LLGL1: variants seen among roughly 807,000 people sequenced by gnomAD.
LLGL1 encodes the protein lethal(2) giant larvae protein homolog 1.
LLGL1 carries 58 observed loss-of-function variants against 110.6 expected under a neutral mutation model. The observed-to-expected ratio is 0.52, with a 90% confidence interval of 0.42 to 0.65. The LOEUF (loss-of-function observed/expected upper bound fraction) is 0.65. Ranked by LOEUF, LLGL1 falls within the 30% of genes least tolerant of loss-of-function variation. The probability of loss-of-function intolerance (pLI) is 0.00; values close to 1 mark genes in which losing one functional copy is unlikely to be tolerated. For synonymous variants in LLGL1, 674 were observed against 607.2 expected (o/e 1.11, Z -1.62); for missense variants, 1,229 against 1,462.1 (o/e 0.84, Z 2.60).
chr17:18,235,805 T>C (rs1044122043), intron 11 of LLGL1: 16 of 500,576 alleles, frequency 3.2e-5, no homozygotes, highest in Non-Finnish European at 5.0e-5. Context: ...GACTGGAAAA[T>C]CTGGGCTGGC....
chr17:18,241,017 TC>T, intron 17 of LLGL1, 144 bp downstream of exon 17: 1 of 900,686 alleles, frequency 1.1e-6, no homozygotes, highest in Non-Finnish European at 1.6e-6. Flanking sequence ...CAGAAAACAC[TC>T]CCAGCCAGCA....
At chr17:18,233,545 C>G (rs2142591957) in intron 4 of LLGL1, among the ~76,000 whole-genome samples, 1 of 152,234 alleles carries the variant, frequency 6.6e-6, no homozygotes, top group South Asian at 2.1e-4. Flanking sequence ...GAGCTGGGAG[C>G]CCAGTCTGCA....
In LLGL1 at chr17:18,242,278, G is replaced by C. The variant is rs1203519133; in HGVS notation, c.2995G>C (p.Asp999His). 6 of 1,612,696 alleles carry C rather than the reference G, an allele frequency of 3.7e-6. No homozygotes were observed. Among genetic ancestry groups the C allele is most frequent in the East Asian group, 4.5e-5 (2 of 44,872 alleles). ...SPDPAHSMGP[D>H]TPEPPEAALS... The stretch of plus-strand genomic sequence containing the variant: ...TGATCCAGCCCACAGCATGGGACCT[G>C]GTGAGGGGGGCATGAAAGGGGTCCA... The change falls in exon 20 of 23, where the codon GAC (aspartate) becomes CAC (histidine). Residue 999 changes from aspartate to histidine, a missense_variant and splice_region_variant. Physicochemically the swap from Asp to His is moderately conservative, Grantham distance 81 (BLOSUM62 -1). Transcript: ENST00000316843.
Position 18,243,955 on chromosome 17 carries a change from G to A in LLGL1, c.*49G>A, listed in dbSNP as rs1170209920. 2.6e-5 allele frequency: 4 copies of A among 152,832 alleles called. No homozygotes were observed. Among genetic ancestry groups the A allele is most frequent in the South Asian group, 2.1e-4 (1 of 4,846 alleles). The allele number at this position is 152,832 out of a possible 1,614,324, so 9.5% of individuals were successfully genotyped here. ...TCCACCTGCCCTGCTCGGAGCTGGA[G>A]TGCTGGATCCCTGGCACCTGCCTGG... On this transcript the variant is annotated 3_prime_UTR_variant, in exon 23 of 23. Transcript: ENST00000316843.
At chr17:18,228,633 G>A (rs74423640) in intron 1 of LLGL1, among the ~76,000 whole-genome samples, 2,911 of 152,232 alleles carry the variant, frequency 0.019, 91 homozygotes, top group African/African-American at 0.066. Context: ...TCCTTTCCTC[G>A]TTTGTAAAAT....
chr17:18,242,941 ACT>A, intron 22 of LLGL1, 119 bp downstream of exon 22: 8 of 931,766 alleles, frequency 8.6e-6, no homozygotes, highest in Non-Finnish European at 1.3e-5. Context: ...ATGTGATGGC[ACT>A]CTCTGAAACC....
intron 2 of LLGL1, among the ~76,000 whole-genome samples, chr17:18,230,505 C>T (rs1157572151): frequency 6.6e-6 from 1 of 151,508 alleles, no homozygotes; most frequent in Non-Finnish European, 1.5e-5. Context: ...GAGCACAGCA[C>T]GGCCCCCACC....
chr17:18,239,199 G>A (rs1480855999), intron 16 of LLGL1, among the ~76,000 whole-genome samples: 1 of 152,146 alleles, frequency 6.6e-6, no homozygotes, highest in Non-Finnish European at 1.5e-5. Context: ...CCCCGAGCCG[G>A]GCATGTGTGT....
chr17:18,241,235 G>T, intron 17 of LLGL1: 1 of 631,722 alleles, frequency 1.6e-6, no homozygotes, highest in Non-Finnish European at 2.7e-6. Context: ...CTCTGTGATT[G>T]ATTTTGTCAC....
rs1567700333 is a variant in LLGL1 at position 18,244,736 on chromosome 17, A to AGGGGGGGGGGGG, written c.*840_*841insGGGGGGGGGGGG. On this transcript the variant is annotated 3_prime_UTR_variant, in exon 23 of 23. Transcript: ENST00000316843. The stretch of plus-strand genomic sequence containing the variant: ...TGTGTGTCCGGCGGGGGGGGGGGGC[A>AGGGGGGGGGGGG]GGGGGGGGGGTCAAGATGAGTTTCC... 3 of 10,196 alleles carry AGGGGGGGGGGGG rather than the reference A, an allele frequency of 2.9e-4. No homozygotes were observed. The highest frequency in any genetic ancestry group is 6.8e-4 in the African/African-American group (2 of 2,940). The allele number at this position is 10,196 out of a possible 1,614,324, so 0.6% of individuals were successfully genotyped here.
intron 16 of LLGL1, among the ~76,000 whole-genome samples, chr17:18,239,671 A>G (rs946274839): frequency 6.6e-6 from 1 of 151,754 alleles, no homozygotes; most frequent in Non-Finnish European, 1.5e-5. Context: ...TTCTGATGCC[A>G]TTTATTTGTC....
At chr17:18,239,934 GGT>G (rs1369133218) in intron 16 of LLGL1, among the ~76,000 whole-genome samples, 1 of 152,068 alleles carries the variant, frequency 6.6e-6, no homozygotes, top group Non-Finnish European at 1.5e-5. Flanking sequence ...TCAGGGAGCA[GGT>G]GCCGAGTCTG....
intron 13 of LLGL1, chr17:18,237,248 GC>G (rs2047713594): frequency 1.7e-6 from 1 of 598,220 alleles, no homozygotes; most frequent in African/African-American, 1.9e-5. Context: ...TGGACACTTT[GC>G]CCTCAGAGGG....
rs1567687424 is a variant in LLGL1, at chr17:18,232,567, G to A, written c.252G>A (p.Leu84=). 1 of 1,614,086 alleles carries A rather than the reference G, an allele frequency of 6.2e-7. No individual in the cohort carries two copies. Among genetic ancestry groups the A allele is most frequent in the Non-Finnish European group, 8.5e-7 (1 of 1,179,994 alleles). ...DAATVTQMHF[L]TGQGRLLSLL... ...CCACTGTCACACAGATGCACTTCTT[G>A]ACCGGCCAGGTGAGCCTCTGCTTCC... Residue 84 remains leucine, a synonymous_variant, in exon 3 of 23, where the codon TTG becomes TTA. Transcript: ENST00000316843.
At chr17:18,243,151 A>C (rs1433143745) in intron 22 of LLGL1, among the ~76,000 whole-genome samples, 2 of 152,180 alleles carry the variant, frequency 1.3e-5, no homozygotes, top group Non-Finnish European at 2.9e-5. Context: ...TCTGTCGCCC[A>C]GGCTGGAGTG....
Position 18,242,208 on chromosome 17 carries a change from GA to G in LLGL1, c.2926del (p.Thr976ProfsTer59). The G allele has an allele frequency of 6.2e-7, 1 of 1,614,096 alleles. No individual in the cohort carries two copies. Among genetic ancestry groups the G allele is most frequent in the South Asian group, 1.1e-5 (1 of 91,084 alleles). On this transcript the variant is annotated frameshift_variant, in exon 20 of 23. Transcript: ENST00000316843. LOFTEE classifies it high-confidence loss of function. ...CACCCAAGCTGAGCCAGGCTAACGG[GA>G]CCCCAAGCATCCTGCTGGCCCCACA... Reference protein sequence around the residue: ...ESPKLSQANGTPSILLAPQSL... With the variant: ...ESPKLSQANGXPSILLAPQSL...
chr17:18,236,271 C>T, intron 11 of LLGL1: 1 of 300,874 alleles, frequency 3.3e-6, no homozygotes, highest in Non-Finnish European at 6.3e-6. Flanking sequence ...CTCTTGATCA[C>T]CTCTGATGGC....
chr17:18,238,098 A>G lies in LLGL1; in HGVS notation c.1936A>G (p.Met646Val). The change falls in exon 15 of 23, where the codon ATG becomes GTG. Residue 646 changes from methionine (M) to valine (V), a missense_variant. Physicochemically the swap from Met to Val is conservative, Grantham distance 21. Coordinates refer to ENST00000316843, the MANE Select transcript of LLGL1 (RefSeq NM_004140.4). Reference sequence around the variant, plus strand: ...TCTTCACCCCAATGACTCCCTGGCCATGGAGGGTCCGCTCTCCCGGGTGAA... The same window carrying G: ...TCTTCACCCCAATGACTCCCTGGCCGTGGAGGGTCCGCTCTCCCGGGTGAA... ...CTLHPNDSLAMEGPLSRVKSL... is the reference protein window; with the variant it reads ...CTLHPNDSLAVEGPLSRVKSL... 6.2e-7 allele frequency: 1 copy of G among 1,613,862 alleles called. No individual in the cohort carries two copies. Among genetic ancestry groups the G allele is most frequent in the African/African-American group, 1.3e-5 (1 of 75,060 alleles).
At position 18,236,686 on chromosome 17, in the gene LLGL1, C is replaced by T. The variant is rs200589712; in HGVS notation, c.1432C>T (p.Leu478Phe). The T allele has an allele frequency of 1.2e-6, 2 of 1,612,806 alleles. No individual in the cohort carries two copies. The highest frequency in any genetic ancestry group is 3.3e-5 in the Admixed American group (2 of 60,022). ...RPLYKLSTAGLFQTDCEHADS... is the reference protein window; with the variant it reads ...RPLYKLSTAGFFQTDCEHADS... Reference sequence around the variant, plus strand: ...GCTCTATAAGCTGAGCACAGCTGGCCTCTTCCAGACAGACTGTGAGCACGC... The same window carrying T: ...GCTCTATAAGCTGAGCACAGCTGGCTTCTTCCAGACAGACTGTGAGCACGC... The change falls in exon 12 of 23, where the codon CTC (leucine) becomes TTC (phenylalanine). Residue 478 changes from leucine to phenylalanine, a missense_variant. Physicochemically the swap from Leu to Phe is conservative, Grantham distance 22 (BLOSUM62 0). Transcript: ENST00000316843.
Sources: gnomAD v4.1 joint callset for allele counts (sites outside exome capture counted in the v4.1 genomes callset) on GRCh38, gnomAD v4.1.1 for gene constraint, MANE v1.5 for transcripts, NCBI Gene and HGNC (gene_info 2026-07-23, HGNC 2026-07-21) for gene names.